The following ITPR2 variants were observed in gnomAD, a reference collection of about 807,000 sequenced individuals.
The protein encoded by ITPR2 is inositol 1,4,5-trisphosphate-gated calcium channel ITPR2.
ITPR2 carries 207 observed loss-of-function variants against 317.1 expected under a neutral mutation model. The ratio of observed to expected loss-of-function variants is 0.65; its 90% CI spans 0.58 to 0.73. The LOEUF (loss-of-function observed/expected upper bound fraction) is 0.73, where lower values mean the gene tolerates loss of function less well. Ranked by LOEUF, ITPR2 falls within the 30% of genes least tolerant of loss-of-function variation. The pLI is 0.00. For missense variants in ITPR2, 2,613 were observed against 3,284.0 expected (o/e 0.80, Z 4.99); for synonymous variants, 1,156 against 1,149.1 (o/e 1.01, Z -0.12).
rs117350326 is a variant in ITPR2 at position 26,566,400 on chromosome 12, A to C, written c.4631-4448T>G. Reference sequence around the variant, plus strand: ...GGAGAGGCAGAGGGAGAGGAGAAGGAAAGGAGAAGAGAAGGAGAAGGAGAG... The same window carrying C: ...GGAGAGGCAGAGGGAGAGGAGAAGGCAAGGAGAAGAGAAGGAGAAGGAGAG... On this transcript the variant is annotated intron_variant, in intron 34 of 56. Coordinates refer to ENST00000381340, the MANE Select transcript of ITPR2 (RefSeq NM_002223.4). Among the ~76,000 whole-genome samples the C allele has an allele frequency of 2.9e-3, 394 of 137,194 alleles. 7 individuals are homozygous for C. In the East Asian group the frequency reaches 0.077, roughly 27 times the overall value. 90.0% of individuals were successfully genotyped at this position (137,194 alleles called of 152,430 possible). A position where few individuals can be genotyped will look rare whatever the true frequency, so the allele number is the denominator to read the frequency against.
chr12:26,556,817 G>A lies in ITPR2; in HGVS notation c.4822-442C>T, dbSNP rs143740553. Among the ~76,000 whole-genome samples the A allele has an allele frequency of 1.0e-3, 156 of 149,564 alleles. No homozygotes were observed. The East Asian group carries it at 0.015, about 15-fold the overall frequency. ...ATTCCAGCCAGGTGCGGTGCCTCAC[G>A]CATGTAATCCCAGCACTTTGGGAGG... On this transcript the variant is annotated intron_variant, in intron 35 of 56. Transcript: ENST00000381340.
intron 26 of ITPR2, among the ~76,000 whole-genome samples, chr12:26,618,600 G>C (rs528371448): frequency 6.6e-6 from 1 of 152,174 alleles, no homozygotes; most frequent in Non-Finnish European, 1.5e-5. Context: ...AAAACAACTG[G>C]CATTGTCTGG....
intron 17 of ITPR2, 42 bp downstream of exon 17, chr12:26,657,969 A>C: frequency 1.2e-6 from 2 of 1,602,450 alleles, no homozygotes; most frequent in Non-Finnish European, 1.7e-6. Flanking sequence ...AGTGCTTACA[A>C]ATAATCAACA....
At chr12:26,525,972 T>C (rs1261667692) in intron 37 of ITPR2, among the ~76,000 whole-genome samples, 1 of 152,218 alleles carries the variant, frequency 6.6e-6, no homozygotes, top group East Asian at 1.9e-4. Flanking sequence ...CCTCCAGTCC[T>C]TTGAGCAGCA....
chr12:26,752,596 T>C (rs1420760690), intron 2 of ITPR2, among the ~76,000 whole-genome samples: 1 of 152,226 alleles, frequency 6.6e-6, no homozygotes, highest in Non-Finnish European at 1.5e-5. Context: ...GTTTAGCATA[T>C]GATCAAGAAA....
chr12:26,684,966 A>G (rs1039567441), intron 11 of ITPR2, among the ~76,000 whole-genome samples: 1 of 152,150 alleles, frequency 6.6e-6, no homozygotes, highest in Non-Finnish European at 1.5e-5. Flanking sequence ...ATGGACTCAT[A>G]TAAGGTATGA....
chr12:26,554,775 CT>C (rs200156945), intron 36 of ITPR2, among the ~76,000 whole-genome samples: 21 of 147,784 alleles, frequency 1.4e-4, no homozygotes, highest in East Asian at 3.9e-4. Context: ...ATTATCTTTG[CT>C]TTTTTTTTTC....
At chr12:26,421,620 G>T (rs1454283542) in intron 49 of ITPR2, among the ~76,000 whole-genome samples, 2 of 152,152 alleles carry the variant, frequency 1.3e-5, no homozygotes, top group East Asian at 3.8e-4. Flanking sequence ...TCATAAAAAA[G>T]TTGACATCGT....
rs143814467 is a variant in ITPR2, at chr12:26,818,073, G to A, written c.92+14617C>T. On this transcript the variant is annotated intron_variant, in intron 1 of 56. Transcript: ENST00000381340. ...ATGATACAAAAACTGAAATTAGCAT[G>A]CATTTTGTTCAATTAAATATGTTTA... Among the ~76,000 whole-genome samples the A allele has an allele frequency of 5.0e-3, 759 of 152,188 alleles. 4 individuals carry two copies. Among genetic ancestry groups the A allele is most frequent in the African/African-American group, 0.018 (733 of 41,500 alleles).
At chr12:26,589,403 G>C (rs1182442918) in intron 32 of ITPR2, among the ~76,000 whole-genome samples, 2 of 152,094 alleles carry the variant, frequency 1.3e-5, no homozygotes, top group Admixed American at 6.6e-5. Context: ...GACCCTGGTA[G>C]TGCTGACTCC....
rs537131328 is a variant in ITPR2 at position 26,704,393 on chromosome 12, T to C, written c.951+6780A>G. On this transcript the variant is annotated intron_variant, in intron 9 of 56. Coordinates refer to ENST00000381340, the MANE Select transcript of ITPR2 (RefSeq NM_002223.4). ...AATGTCTATTTATAAATCACGGAAG[T>C]GACTGGCTGGCTGTGTGTTATACCT... Among the ~76,000 whole-genome samples, 6 of 152,326 alleles carry C rather than the reference T, an allele frequency of 3.9e-5. No individual in the cohort carries two copies. The South Asian group carries it at 1.2e-3, about 32-fold the overall frequency.
At chr12:26,523,603 C>G (rs986549320) in intron 37 of ITPR2, among the ~76,000 whole-genome samples, 1 of 152,074 alleles carries the variant, frequency 6.6e-6, no homozygotes, top group Non-Finnish European at 1.5e-5. Flanking sequence ...GGTACTCCCC[C>G]ACCCCTACAT....
chr12:26,611,554 C>T (rs1336143427), intron 26 of ITPR2, among the ~76,000 whole-genome samples: 1 of 151,798 alleles, frequency 6.6e-6, no homozygotes, highest in African/African-American at 2.4e-5. Flanking sequence ...CAGAGCGAGA[C>T]CCATCTCTAA....
intron 1 of ITPR2, among the ~76,000 whole-genome samples, chr12:26,791,201 CT>C (rs1950334028): frequency 1.3e-5 from 2 of 152,190 alleles, no homozygotes; most frequent in Non-Finnish European, 2.9e-5. Context: ...CATGAATCCC[CT>C]GTTCAAAGAG....
intron 21 of ITPR2, among the ~76,000 whole-genome samples, chr12:26,644,987 C>A (rs541289070): frequency 6.6e-6 from 1 of 152,148 alleles, no homozygotes; most frequent in East Asian, 1.9e-4. Flanking sequence ...AAAGGCTCAG[C>A]CCCCTCACCC....
intron 1 of ITPR2, among the ~76,000 whole-genome samples, chr12:26,826,570 C>A (rs1379727387): frequency 1.3e-5 from 2 of 152,120 alleles, no homozygotes; most frequent in Non-Finnish European, 2.9e-5. Context: ...GGCTCCAATC[C>A]TCTGTCACTC....
chr12:26,647,285 G>A (rs975044274), intron 21 of ITPR2, among the ~76,000 whole-genome samples: 8 of 152,188 alleles, frequency 5.3e-5, no homozygotes, highest in African/African-American at 1.9e-4. Context: ...TATTCACATG[G>A]AGATGATACT....
chr12:26,724,849 G>A (rs1026984957), intron 3 of ITPR2, 107 bp from the exon 4 acceptor site: 20 of 662,438 alleles, frequency 3.0e-5, no homozygotes, highest in Non-Finnish European at 4.4e-5. Flanking sequence ...GAATAAAATA[G>A]GCTAGTAGTA....
At chr12:26,816,712 T>G (rs942257184) in intron 1 of ITPR2, among the ~76,000 whole-genome samples, 2 of 152,100 alleles carry the variant, frequency 1.3e-5, no homozygotes, top group Non-Finnish European at 2.9e-5. Flanking sequence ...GAAAAGAATA[T>G]GGTGCTATCT....
Sources: allele counts gnomAD v4.1 joint callset (sites outside exome capture counted in the v4.1 genomes callset), GRCh38; gene constraint gnomAD v4.1.1; transcripts MANE v1.5; gene names NCBI Gene and HGNC (gene_info 2026-07-23, HGNC 2026-07-21).